ADARB2: variants seen among roughly 807,000 people sequenced by gnomAD.
ADARB2 encodes adenosine deaminase RNA specific B2 (inactive).
A neutral mutation model predicts 62.2 loss-of-function variants in ADARB2; 25 were observed. That is an observed-to-expected ratio of 0.40 (90% CI 0.29 to 0.56). The LOEUF (loss-of-function observed/expected upper bound fraction) is 0.56, where lower values mean the gene tolerates loss of function less well. ADARB2 is among the 20% of genes least tolerant of loss of function. The pLI, the probability that ADARB2 is intolerant of heterozygous loss-of-function variation, is 0.43. For synonymous variants in ADARB2, 572 were observed against 500.8 expected, an observed-to-expected ratio of 1.14 and a Z score of -1.90; for missense variants, 1,071 against 1,077.4, an observed-to-expected ratio of 0.99 and a Z score of 0.08.
chr10:1,687,684 T>A (rs1189274268), intron 1 of ADARB2, among the ~76,000 whole-genome samples: 1 of 151,970 alleles, frequency 6.6e-6, no homozygotes, highest in African/African-American at 2.4e-5. Context: ...GGACAAGGAT[T>A]TTCCTGCCAA....
chr10:1,430,097 GA>G lies in ADARB2; in HGVS notation c.101-50938del, dbSNP rs565859251. 4.1e-3 allele frequency among the ~76,000 whole-genome samples: 619 copies of G among 152,326 alleles called. 3 individuals are homozygous for G. The highest frequency in any genetic ancestry group is 7.2e-3 in the Non-Finnish European group (492 of 68,030). ...AGGATACTTACGACAATTGGATTTAGAAAGTATGGAGTGTAAGAGAACTAAG... is the reference window on the plus strand; with the variant it reads ...AGGATACTTACGACAATTGGATTTAGAAGTATGGAGTGTAAGAGAACTAAG... On this transcript the variant is annotated intron_variant, in intron 1 of 9. Coordinates refer to ENST00000381312, the MANE Select transcript of ADARB2 (RefSeq NM_018702.4).
At chr10:1,462,802 T>C (rs777164060) in intron 1 of ADARB2, among the ~76,000 whole-genome samples, 2 of 152,100 alleles carry the variant, frequency 1.3e-5, no homozygotes, top group Middle Eastern at 3.4e-3. Flanking sequence ...CATGTGTATG[T>C]ACATGTGTGT....
intron 1 of ADARB2, chr10:1,556,751 C>T (rs766278809): frequency 5.4e-5 from 29 of 534,384 alleles, no homozygotes; most frequent in East Asian, 1.1e-4. Context: ...GGGAGCCAGC[C>T]GGCCCCCAGG....
intron 3 of ADARB2, among the ~76,000 whole-genome samples, chr10:1,315,046 T>C (rs1831725702): frequency 6.6e-6 from 1 of 152,142 alleles, no homozygotes; most frequent in Admixed American, 6.5e-5. Context: ...CATGACGAAG[T>C]AGCGTACAGT....
chr10:1,377,760 C>CCCT (rs1832447311), intron 2 of ADARB2, among the ~76,000 whole-genome samples: 1 of 152,116 alleles, frequency 6.6e-6, no homozygotes, highest in South Asian at 2.1e-4. Context: ...CCTCCTAACC[C>CCCT]CCTCCTTCCA....
In ADARB2 at chr10:1,233,978, C is replaced by CTTTTTTTT. The variant is rs1589160330; in HGVS notation, c.1362-141_1362-134dup. 9 of 433,412 alleles carry CTTTTTTTT rather than the reference C, an allele frequency of 2.1e-5. 4 individuals carry two copies. Among genetic ancestry groups the CTTTTTTTT allele is most frequent in the African/African-American group, 1.4e-4 (4 of 27,728 alleles). 26.8% of individuals were successfully genotyped at this position (433,412 alleles called of 1,614,324 possible). On this transcript the variant is annotated intron_variant, in intron 5 of 9. Coordinates refer to ENST00000381312, the MANE Select transcript of ADARB2 (RefSeq NM_018702.4). ...CTTTATATTTTTCCTTTTTTTTTTC[C>CTTTTTTTT]TTTTTTTTTTGAGACGGAGTCTTGT...
At chr10:1,266,602 G>C (rs190891581) in intron 4 of ADARB2, among the ~76,000 whole-genome samples, 1 of 152,280 alleles carries the variant, frequency 6.6e-6, no homozygotes, top group African/African-American at 2.4e-5. Flanking sequence ...GGAGCCTGTG[G>C]GAGAAGGACC....
At position 1,561,737 on chromosome 10, in the gene ADARB2, G is replaced by A. The variant is rs185894912; in HGVS notation, c.100+175314C>T. Reference sequence around the variant, plus strand: ...ACCCTAGAACTCCCCCCAGGTGGAGGTCTGAGAGGCTCCTCCTGCCCGAAG... The same window carrying A: ...ACCCTAGAACTCCCCCCAGGTGGAGATCTGAGAGGCTCCTCCTGCCCGAAG... On this transcript the variant is annotated intron_variant, in intron 1 of 9. Transcript: ENST00000381312. Among the ~76,000 whole-genome samples, 798 of 152,186 alleles carry A rather than the reference G, an allele frequency of 5.2e-3. 13 individuals carry two copies. The highest frequency in any genetic ancestry group is 0.018 in the African/African-American group (756 of 41,528).
chr10:1,731,794 G>A (rs75812828), intron 1 of ADARB2, among the ~76,000 whole-genome samples: 6 of 152,066 alleles, frequency 3.9e-5, no homozygotes, highest in East Asian at 1.9e-4. Flanking sequence ...CCACAGAGAC[G>A]GCATCAACAC....
intron 1 of ADARB2, among the ~76,000 whole-genome samples, chr10:1,714,181 G>A (rs1834986739): frequency 6.6e-6 from 1 of 152,146 alleles, no homozygotes; most frequent in Non-Finnish European, 1.5e-5. Context: ...AAATATTACA[G>A]TCAGTGTTCC....
At chr10:1,395,226 T>G (rs1432060490) in intron 1 of ADARB2, among the ~76,000 whole-genome samples, 2 of 152,228 alleles carry the variant, frequency 1.3e-5, no homozygotes, top group Non-Finnish European at 2.9e-5. Flanking sequence ...CTGAATTCAC[T>G]GCTCAGAGCT....
At chr10:1,485,965 T>C (rs1342889239) in intron 1 of ADARB2, among the ~76,000 whole-genome samples, 2 of 152,194 alleles carry the variant, frequency 1.3e-5, no homozygotes, top group African/African-American at 4.8e-5. Flanking sequence ...CAATTGAATG[T>C]TTGTGAAGGC....
chr10:1,248,878 TG>T (rs965200687), intron 4 of ADARB2, among the ~76,000 whole-genome samples: 3 of 152,234 alleles, frequency 2.0e-5, no homozygotes, highest in Non-Finnish European at 4.4e-5. Context: ...CAGTGAGTTT[TG>T]TAGAATTCGA....
intron 1 of ADARB2, among the ~76,000 whole-genome samples, chr10:1,413,494 A>G (rs933497313): frequency 1.3e-5 from 2 of 152,190 alleles, no homozygotes; most frequent in African/African-American, 4.8e-5. Flanking sequence ...TAACTGGAAT[A>G]CCATAAATTA....
intron 1 of ADARB2, among the ~76,000 whole-genome samples, chr10:1,437,476 C>T (rs748696439): frequency 5.3e-5 from 8 of 152,184 alleles, no homozygotes; most frequent in Non-Finnish European, 7.3e-5. Context: ...ACAGCAGACA[C>T]GCAGCCACGG....
intron 2 of ADARB2, among the ~76,000 whole-genome samples, chr10:1,373,140 A>G (rs1458334086): frequency 1.3e-5 from 2 of 152,168 alleles, no homozygotes; most frequent in South Asian, 2.1e-4. Flanking sequence ...AAACAATCCT[A>G]AAGTTCATAT....
chr10:1,261,270 C>A lies in ADARB2; in HGVS notation c.1192+9685G>T, dbSNP rs1241498138. Among the ~76,000 whole-genome samples, 233 of 150,238 alleles carry A rather than the reference C, an allele frequency of 1.6e-3. 1 individual carries two copies. The highest frequency in any genetic ancestry group is 5.2e-3 in the African/African-American group (210 of 40,318). ...AAGGACTTCATGTCCAAAACACCAA[C>A]AGCAATGGCAACAAAAGACAAAATT... On this transcript the variant is annotated intron_variant, in intron 4 of 9. Transcript: ENST00000381312.
At chr10:1,274,575 G>C (rs1372226324) in intron 3 of ADARB2, among the ~76,000 whole-genome samples, 1 of 152,120 alleles carries the variant, frequency 6.6e-6, no homozygotes, top group Non-Finnish European at 1.5e-5. Context: ...CAGGACATCA[G>C]GATGGTCTCA....
At chr10:1,266,166 G>T (rs1589170258) in intron 4 of ADARB2, among the ~76,000 whole-genome samples, 1 of 152,248 alleles carries the variant, frequency 6.6e-6, no homozygotes, top group Non-Finnish European at 1.5e-5. Context: ...CCTCTGAGAA[G>T]ATGGCGTGTG....
Sources: gnomAD v4.1 joint callset for allele counts (sites outside exome capture counted in the v4.1 genomes callset) on GRCh38, gnomAD v4.1.1 for gene constraint, MANE v1.5 for transcripts, NCBI Gene and HGNC (gene_info 2026-07-23, HGNC 2026-07-21) for gene names.